Variants in KCNMA1 observed in about 807,000 individuals in gnomAD.
The protein encoded by KCNMA1 is potassium calcium-activated channel subfamily M alpha 1, also known as Calcium-activated potassium channel subunit alpha-1.
In KCNMA1, 29 loss-of-function variants were observed where a neutral mutation model predicts 140.0. The observed-to-expected ratio is 0.21, with a 90% CI of 0.15 to 0.28. KCNMA1 has a LOEUF of 0.28. KCNMA1 is among the 10% of genes least tolerant of loss of function. The pLI is 1.00. For synonymous variants in KCNMA1, 612 were observed against 611.9 expected, an observed-to-expected ratio of 1.00 and a Z score of 0.00; for missense variants, 880 against 1,602.2, an observed-to-expected ratio of 0.55 and a Z score of 7.70.
chr10:77,346,799 G>A (rs1406854660), intron 2 of KCNMA1, among the ~76,000 whole-genome samples: 1 of 152,160 alleles, frequency 6.6e-6, no homozygotes, highest in Non-Finnish European at 1.5e-5. Context: ...CATCTGTCCT[G>A]GTGAAATGGC....
At chr10:77,537,651 C>T (rs1390348141) in intron 1 of KCNMA1, among the ~76,000 whole-genome samples, 2 of 152,284 alleles carry the variant, frequency 1.3e-5, no homozygotes, top group African/African-American at 4.8e-5. Context: ...TCCTCCTCTG[C>T]CTCTAAAGGA....
At chr10:77,229,760 T>C (rs770430276) in intron 3 of KCNMA1, among the ~76,000 whole-genome samples, 6 of 152,148 alleles carry the variant, frequency 3.9e-5, no homozygotes, top group Admixed American at 6.5e-5. Flanking sequence ...TATATATATA[T>C]ATGTACACAC....
At chr10:77,547,083 C>A (rs2061606508) in intron 1 of KCNMA1, among the ~76,000 whole-genome samples, 1 of 152,178 alleles carries the variant, frequency 6.6e-6, no homozygotes, top group Non-Finnish European at 1.5e-5. Context: ...CCAGCCCAGC[C>A]TGGATAACCC....
In KCNMA1 at chr10:77,398,080, AT is replaced by A. The variant is rs1157821316; in HGVS notation, c.540+5781del. Among the ~76,000 whole-genome samples, 135 of 101,026 alleles carry A rather than the reference AT, an allele frequency of 1.3e-3. 1 individual carries two copies. The highest frequency in any genetic ancestry group is 5.2e-3 in the South Asian group (18 of 3,490). The allele number at this position is 101,026 out of a possible 152,430, so 66.3% of individuals were successfully genotyped here. ...TGTGTATGTGTGTGTGTGTGTGTGTATTTTTTTTTTCTTTATTTAATCATCC... is the reference window on the plus strand; with the variant it reads ...TGTGTATGTGTGTGTGTGTGTGTGTATTTTTTTTTCTTTATTTAATCATCC... On this transcript the variant is annotated intron_variant, in intron 2 of 27. Transcript: ENST00000286628.
intron 1 of KCNMA1, chr10:77,634,898 G>A (rs762843070): frequency 2.4e-4 from 37 of 152,518 alleles, no homozygotes; most frequent in Non-Finnish European, 4.5e-4. Flanking sequence ...ATAATGAGCT[G>A]GCTACCTATG....
At chr10:77,540,630 T>C (rs999651083) in intron 1 of KCNMA1, among the ~76,000 whole-genome samples, 5 of 152,232 alleles carry the variant, frequency 3.3e-5, no homozygotes, top group Non-Finnish European at 7.3e-5. Flanking sequence ...TTTGAATACA[T>C]TATTTGAGTA....
chr10:77,443,245 G>T (rs1479885199), intron 1 of KCNMA1, among the ~76,000 whole-genome samples: 1 of 152,164 alleles, frequency 6.6e-6, no homozygotes, highest in East Asian at 1.9e-4. Flanking sequence ...GGTCCCGGCA[G>T]GCTTCCAGGA....
intron 3 of KCNMA1, among the ~76,000 whole-genome samples, chr10:77,206,600 T>C (rs1037354897): frequency 1.3e-5 from 2 of 152,128 alleles, no homozygotes; most frequent in African/African-American, 4.8e-5. Flanking sequence ...GCTCTAACCA[T>C]ACTCATCTTC....
chr10:77,076,922 G>A (rs1705296213), intron 13 of KCNMA1, among the ~76,000 whole-genome samples: 1 of 151,954 alleles, frequency 6.6e-6, no homozygotes, highest in Admixed American at 6.6e-5. Flanking sequence ...CTATCTCTTG[G>A]AATATGTTCA....
chr10:77,088,562 G>A (rs999419142), intron 10 of KCNMA1, among the ~76,000 whole-genome samples: 14 of 151,954 alleles, frequency 9.2e-5, no homozygotes, highest in Admixed American at 6.6e-4. Flanking sequence ...CCAGAGTAGC[G>A]AGGGCTACAG....
At chr10:77,579,866 A>T (rs531233793) in intron 1 of KCNMA1, among the ~76,000 whole-genome samples, 3 of 152,206 alleles carry the variant, frequency 2.0e-5, no homozygotes, top group Admixed American at 2.0e-4. Context: ...CCATTGGGGC[A>T]GTGAGGCAGG....
chr10:77,258,902 T>C (rs922502087), intron 2 of KCNMA1, among the ~76,000 whole-genome samples: 1 of 151,960 alleles, frequency 6.6e-6, no homozygotes, highest in Non-Finnish European at 1.5e-5. Flanking sequence ...AACGGAGGTT[T>C]CAGCAAGCCG....
chr10:77,468,548 A>G (rs2098083706), intron 1 of KCNMA1, among the ~76,000 whole-genome samples: 1 of 152,132 alleles, frequency 6.6e-6, no homozygotes, highest in Non-Finnish European at 1.5e-5. Flanking sequence ...CAGGAGGGAG[A>G]TGATACATAC....
intron 2 of KCNMA1, among the ~76,000 whole-genome samples, chr10:77,298,267 AG>A (rs1476864287): frequency 6.6e-6 from 1 of 152,108 alleles, no homozygotes; most frequent in African/African-American, 2.4e-5. Flanking sequence ...TTTGAGACAG[AG>A]GTTCACTCTC....
chr10:76,906,880 A>T (rs2048031154), intron 25 of KCNMA1, among the ~76,000 whole-genome samples: 1 of 152,216 alleles, frequency 6.6e-6, no homozygotes, highest in African/African-American at 2.4e-5. Context: ...CTCAGACCCT[A>T]CTCAAGACCT....
chr10:77,439,150 A>AGAAG (rs1566858870), intron 1 of KCNMA1, among the ~76,000 whole-genome samples: 42 of 64,310 alleles, frequency 6.5e-4, no homozygotes, highest in African/African-American at 1.9e-3. Context: ...GAGAAGAGAA[A>AGAAG]AGAGAAGAGA....
intron 19 of KCNMA1, among the ~76,000 whole-genome samples, chr10:76,994,068 C>T (rs971490845): frequency 3.2e-4 from 48 of 152,338 alleles, no homozygotes; most frequent in African/African-American, 9.1e-4. Flanking sequence ...TGGAGCCACA[C>T]GGCCTGTGTT....
At chr10:76,976,433 AG>A in intron 19 of KCNMA1, among the ~76,000 whole-genome samples, 1 of 152,334 alleles carries the variant, frequency 6.6e-6, no homozygotes, top group East Asian at 1.9e-4. Context: ...CATAGGAGAG[AG>A]AAAAAAAATA....
intron 2 of KCNMA1, among the ~76,000 whole-genome samples, chr10:77,316,529 C>CA (rs1336849451): frequency 6.6e-6 from 1 of 152,192 alleles, no homozygotes; most frequent in African/African-American, 2.4e-5. Context: ...GCTTCACCCT[C>CA]AGAGTTTCTG....
Sources: gnomAD v4.1 joint callset for allele counts (sites outside exome capture counted in the v4.1 genomes callset) on GRCh38, gnomAD v4.1.1 for gene constraint, MANE v1.5 for transcripts, NCBI Gene and HGNC (gene_info 2026-07-23, HGNC 2026-07-21) for gene names.